Variants in TTC13 observed in about 807,000 individuals in gnomAD.
TTC13 encodes tetratricopeptide repeat protein 13.
In TTC13, 62 loss-of-function variants were observed where a neutral mutation model predicts 120.0. That is an observed-to-expected ratio of 0.52 (90% CI 0.42 to 0.64). TTC13 has a LOEUF of 0.64. Ranked by LOEUF, TTC13 falls within the 30% of genes least tolerant of loss-of-function variation. The pLI, the probability that TTC13 is intolerant of heterozygous loss-of-function variation, is 0.00. For synonymous variants in TTC13, 384 were observed against 393.5 expected, an observed-to-expected ratio of 0.98 and a Z score of 0.28; for missense variants, 824 against 1,050.2, an observed-to-expected ratio of 0.78 and a Z score of 2.98.
Position 230,907,004 on chromosome 1 carries a change from A to G in TTC13, c.2484T>C (p.Tyr828=), listed in dbSNP as rs3811503. The G allele has an allele frequency of 2.1e-4, 313 of 1,519,898 alleles. 8 individuals carry two copies. The East Asian group carries it at 7.8e-3, about 38-fold the overall frequency. 94.2% of individuals were successfully genotyped at this position (1,519,898 alleles called of 1,614,324 possible). The change falls in exon 23 of 23, where the codon TAT becomes TAC. Residue 828 remains tyrosine (Y), a synonymous_variant. Coordinates refer to ENST00000366661, the MANE Select transcript of TTC13 (RefSeq NM_024525.5). ...TTTCTGATACTGATGGAAGAGTCTT[A>G]TAAGAAGGTGAAATACTGAAAAAGA... ...WMNLKSISPS[Y]KTLPSVSETF...
chr1:230,951,685 G>C (rs1297138401), intron 4 of TTC13, among the ~76,000 whole-genome samples: 1 of 151,996 alleles, frequency 6.6e-6, no homozygotes, highest in Admixed American at 6.6e-5. Context: ...AAGTATTATT[G>C]AGATAAAAAT....
Position 230,940,595 on chromosome 1 carries a change from G to T in TTC13, c.673-39C>A. The T allele has an allele frequency of 7.5e-7, 1 of 1,329,016 alleles. No individual in the cohort carries two copies. Among genetic ancestry groups the T allele is most frequent in the South Asian group, 1.2e-5 (1 of 84,474 alleles). The allele number at this position is 1,329,016 out of a possible 1,614,324, so 82.3% of individuals were successfully genotyped here. ...ACATGTAATCAGGAAGAATACCAAT[G>T]ACCAACCCTAAAATCCCAATGTTTT... is the stretch of plus-strand genomic sequence containing the variant. On this transcript the variant is annotated intron_variant, in intron 6 of 22. Transcript: ENST00000366661. This position sits in a 1 kb window ranked among gnomAD's most constrained non-coding sequence, Gnocchi z 4.1.
Position 230,940,629 on chromosome 1 carries a change from C to T in TTC13, c.673-73G>A. 1.1e-6 allele frequency: 1 copy of T among 937,952 alleles called. No homozygotes were observed. The highest frequency in any genetic ancestry group is 1.7e-6 in the Non-Finnish European group (1 of 583,582). 58.1% of individuals were successfully genotyped at this position (937,952 alleles called of 1,614,324 possible). On this transcript the variant is annotated intron_variant, in intron 6 of 22. Coordinates refer to ENST00000366661, the MANE Select transcript of TTC13 (RefSeq NM_024525.5). The surrounding 1 kb of genome is among the most constrained non-coding windows in gnomAD (Gnocchi z 4.1). ...TAAAATCCCAATGTTTTTGACTCTT[C>T]AATTCCACCTCACCATACTCCACTC...
chr1:230,911,309 A>G lies in TTC13; in HGVS notation c.2309+161T>C, dbSNP rs1055452608. 6 of 525,498 alleles carry G rather than the reference A, an allele frequency of 1.1e-5. No homozygotes were observed. The African/African-American group carries it at 1.2e-4, about 10-fold the overall frequency. 32.6% of individuals were successfully genotyped at this position (525,498 alleles called of 1,614,324 possible). A position where few individuals can be genotyped will look rare whatever the true frequency, so the allele number is the denominator to read the frequency against. Reference sequence around the variant, plus strand: ...CTTCTATAATTCTTTTGCTGATGTGATAGACTAAGGAAATATTTTTTTGTG... The same window carrying G: ...CTTCTATAATTCTTTTGCTGATGTGGTAGACTAAGGAAATATTTTTTTGTG... On this transcript the variant is annotated intron_variant, in intron 20 of 22. Coordinates refer to ENST00000366661, the MANE Select transcript of TTC13 (RefSeq NM_024525.5).
chr1:230,966,331 A>G (rs1307461860), intron 1 of TTC13, among the ~76,000 whole-genome samples: 1 of 151,894 alleles, frequency 6.6e-6, no homozygotes, highest in Non-Finnish European at 1.5e-5. Context: ...TTTAAGTTCC[A>G]AAACAAAAAA....
chr1:230,958,927 C>T (rs182911595), intron 2 of TTC13, among the ~76,000 whole-genome samples: 2 of 152,112 alleles, frequency 1.3e-5, no homozygotes, highest in Non-Finnish European at 2.9e-5. Flanking sequence ...CCCGGGAGGT[C>T]GAGGCTGCAG....
intron 1 of TTC13, among the ~76,000 whole-genome samples, chr1:230,970,507 C>A (rs1373563630): frequency 6.6e-6 from 1 of 152,160 alleles, no homozygotes; most frequent in African/African-American, 2.4e-5. Flanking sequence ...CTGAACTAGG[C>A]AGAGGCACCG....
At chr1:230,915,857 C>T (rs896593129) in intron 18 of TTC13, among the ~76,000 whole-genome samples, 2 of 150,614 alleles carry the variant, frequency 1.3e-5, no homozygotes, top group Admixed American at 1.3e-4. Context: ...GACTTCAATC[C>T]GCCAACTGCT....
intron 1 of TTC13, among the ~76,000 whole-genome samples, chr1:230,963,592 A>G (rs1273265151): frequency 6.6e-6 from 1 of 151,970 alleles, no homozygotes; most frequent in Non-Finnish European, 1.5e-5. Flanking sequence ...CCATGATCAT[A>G]CCACTGCACT....
Position 230,939,567 on chromosome 1 carries a change from GCTGGT to G in TTC13, c.790-76_790-72del. ...ATATGTGAACATTTCCTAATTTTTGGCTGGTAGAGAAAAAAAATCTCAATTCATCC... is the reference window on the plus strand; with the variant it reads ...ATATGTGAACATTTCCTAATTTTTGGAGAGAAAAAAAATCTCAATTCATCC... On this transcript the variant is annotated intron_variant, in intron 7 of 22. Coordinates refer to ENST00000366661, the MANE Select transcript of TTC13 (RefSeq NM_024525.5). The G allele has an allele frequency of 3.7e-6, 4 of 1,068,716 alleles. No individual in the cohort carries two copies. In the Admixed American group the frequency reaches 6.7e-5, roughly 18 times the overall value. 66.2% of individuals were successfully genotyped at this position (1,068,716 alleles called of 1,614,324 possible).
chr1:230,977,572 C>T (rs576873446), intron 1 of TTC13, among the ~76,000 whole-genome samples: 2 of 151,570 alleles, frequency 1.3e-5, no homozygotes, highest in African/African-American at 2.4e-5. Context: ...CTAATCTTGA[C>T]GTCTCATCTC....
intron 19 of TTC13, among the ~76,000 whole-genome samples, 185 bp downstream of exon 19, chr1:230,912,438 T>A (rs1410847081): frequency 1.3e-5 from 2 of 152,180 alleles, no homozygotes; most frequent in Non-Finnish European, 1.5e-5. Context: ...TAATTTATTA[T>A]CCTCCCCATT....
intron 16 of TTC13, 55 bp from the exon 17 acceptor site, chr1:230,920,649 T>C (rs1672500279): frequency 9.4e-7 from 1 of 1,068,064 alleles, no homozygotes; most frequent in Non-Finnish European, 1.3e-6. Context: ...ATTGTAATAA[T>C]TAATCATGCA....
At chr1:230,929,334 T>TTTTTG (rs35356817) in intron 11 of TTC13, among the ~76,000 whole-genome samples, 1 of 151,558 alleles carries the variant, frequency 6.6e-6, no homozygotes, top group African/African-American at 2.4e-5. Context: ...TTTTTTTTTT[T>TTTTTG]GAGACGGAGT....
intron 1 of TTC13, among the ~76,000 whole-genome samples, chr1:230,968,236 A>G (rs1221551855): frequency 6.6e-6 from 1 of 150,924 alleles, no homozygotes; most frequent in African/African-American, 2.4e-5. Context: ...CACACATCAC[A>G]TAAAAGCAAT....
chr1:230,955,669 T>G (rs1484584836), intron 3 of TTC13, among the ~76,000 whole-genome samples: 1 of 55,838 alleles, frequency 1.8e-5, no homozygotes, highest in Admixed American at 1.7e-4. Flanking sequence ...AGACTCCATC[T>G]CAAAAAAAAA....
chr1:230,920,403 C>T (rs896082365), intron 17 of TTC13, 107 bp downstream of exon 17: 13 of 785,472 alleles, frequency 1.7e-5, no homozygotes, highest in East Asian at 1.3e-4. Context: ...TGTGTTCATA[C>T]GAGTGATTTC....
chr1:230,957,899 C>T (rs926785650), intron 3 of TTC13, among the ~76,000 whole-genome samples: 103 of 152,252 alleles, frequency 6.8e-4, no homozygotes, highest in African/African-American at 2.2e-3. Flanking sequence ...AGGTAGTCTG[C>T]TTTCACTTCT....
chr1:230,956,516 T>A (rs779055718), intron 3 of TTC13: 1 of 379,428 alleles, frequency 2.6e-6, no homozygotes, highest in Non-Finnish European at 5.0e-6. Context: ...TCCTTTCAAA[T>A]CTAAATTTTT....
Sources: gnomAD v4.1 joint callset for allele counts (sites outside exome capture counted in the v4.1 genomes callset) on GRCh38, gnomAD v4.1.1 for gene constraint, Gnocchi (gnomAD v3.1) non-coding constraint, MANE v1.5 for transcripts, NCBI Gene and HGNC (gene_info 2026-07-23, HGNC 2026-07-21) for gene names.